The following AFF2 variants were observed in gnomAD, a reference collection of about 807,000 sequenced individuals.
AFF2 encodes ALF transcription elongation factor 2.
A neutral mutation model predicts 76.9 loss-of-function variants in AFF2; 14 were observed. That is an observed-to-expected ratio of 0.18 (90% CI 0.12 to 0.28). AFF2 has a LOEUF of 0.28. Among genes scored for constraint, AFF2 ranks in the 10% least tolerant of loss-of-function variants. The pLI, the probability that AFF2 is intolerant of heterozygous loss-of-function variation, is 1.00. For missense variants in AFF2, 868 were observed against 1,001.1 expected (o/e 0.87, Z 1.79); for synonymous variants, 398 against 366.7 (o/e 1.09, Z -0.98).
At chrX:148,677,406 T>C (rs939159991) in intron 3 of AFF2, among the ~76,000 whole-genome samples, 2 of 112,186 alleles carry the variant, frequency 1.8e-5, no homozygotes, top group African/African-American at 3.2e-5. Context: ...TTATGCTTCA[T>C]TGAAAGATTT....
At chrX:148,681,635 G>A in intron 3 of AFF2, among the ~76,000 whole-genome samples, 1 of 92,917 alleles carries the variant, frequency 1.1e-5, no homozygotes, top group South Asian at 4.8e-4. Flanking sequence ...GAAAGAAAGA[G>A]AAGAGAAAAA....
At chrX:148,557,960 T>C (rs1449239071) in intron 1 of AFF2, among the ~76,000 whole-genome samples, 2 of 111,724 alleles carry the variant, frequency 1.8e-5, no homozygotes, top group African/African-American at 6.5e-5. Flanking sequence ...GCTTGTAAAA[T>C]GCTGAGCTGG....
chrX:148,713,300 G>A (rs1237631209), intron 3 of AFF2, among the ~76,000 whole-genome samples: 8 of 111,435 alleles, frequency 7.2e-5, no homozygotes, highest in African/African-American at 2.0e-4. Flanking sequence ...GATGAGAGCC[G>A]TTGAAGGGTT....
chrX:148,578,684 A>G (rs1461625056), intron 1 of AFF2, among the ~76,000 whole-genome samples: 4 of 112,140 alleles, frequency 3.6e-5, no homozygotes, highest in African/African-American at 1.3e-4. Context: ...TGTTATCTAT[A>G]GATGCGTTCT....
At chrX:148,607,016 G>T (rs190510850) in intron 1 of AFF2, among the ~76,000 whole-genome samples, 38 of 111,217 alleles carry the variant, frequency 3.4e-4, no homozygotes, top group African/African-American at 1.2e-3. Flanking sequence ...AATTGGCTTC[G>T]TGTGCCATGC....
intron 3 of AFF2, among the ~76,000 whole-genome samples, chrX:148,771,694 A>G (rs1365228579): frequency 8.9e-6 from 1 of 112,202 alleles, no homozygotes; most frequent in East Asian, 2.8e-4. Context: ...TTGCTCTCTC[A>G]CTGTAACAGA....
chrX:148,708,170 A>AT (rs1345526484), intron 3 of AFF2, among the ~76,000 whole-genome samples: 1 of 111,985 alleles, frequency 8.9e-6, no homozygotes, highest in African/African-American at 3.2e-5. Context: ...GATCTTTAAA[A>AT]AATCTTCAGA....
intron 8 of AFF2, among the ~76,000 whole-genome samples, chrX:148,887,708 T>A (rs111924845): frequency 0.014 from 1,534 of 111,650 alleles, 30 homozygotes; most frequent in African/African-American, 0.047. Flanking sequence ...AGTCATGATG[T>A]CTTCCTCAAA....
In AFF2 at chrX:148,999,311, A is replaced by T. The variant is rs1251314524; in HGVS notation, c.*7979A>T. 5.4e-5 allele frequency: 6 copies of T among 112,017 alleles called. No homozygotes were observed. The highest frequency in any genetic ancestry group is 2.0e-4 in the African/African-American group (6 of 30,721). The allele number at this position is 112,017 out of a possible 1,213,427, so 9.2% of individuals were successfully genotyped here. On this transcript the variant is annotated 3_prime_UTR_variant, in exon 21 of 21. Coordinates refer to ENST00000370460, the MANE Select transcript of AFF2 (RefSeq NM_002025.4). ...CTAACATTCCCATTAGCCTGTATATAAGAATCAGAAAGATAATCCCAACAT... is the reference window on the plus strand; with the variant it reads ...CTAACATTCCCATTAGCCTGTATATTAGAATCAGAAAGATAATCCCAACAT...
intron 3 of AFF2, among the ~76,000 whole-genome samples, chrX:148,675,200 T>C (rs1358685017): frequency 1.8e-5 from 2 of 109,260 alleles, no homozygotes; most frequent in African/African-American, 6.7e-5. Context: ...GAAGGAGAAA[T>C]AACAGACAGG....
In AFF2 at chrX:148,563,009, G is replaced by T. The variant is rs60396279; in HGVS notation, c.47+61865G>T. On this transcript the variant is annotated intron_variant, in intron 1 of 20. Transcript: ENST00000370460. ...GAAGAGGCCGACTTTAGCCTTGGTT[G>T]TCTGAGAAGGCCCTGTTTGAGCCGA... Among the ~76,000 whole-genome samples, 401 of 112,308 alleles carry T rather than the reference G, an allele frequency of 3.6e-3. 4 individuals carry two copies. The highest frequency in any genetic ancestry group is 0.012 in the African/African-American group (381 of 30,913).
chrX:148,901,297 G>GT (rs1557280852), intron 8 of AFF2, among the ~76,000 whole-genome samples: 1 of 110,873 alleles, frequency 9.0e-6, no homozygotes, highest in African/African-American at 3.3e-5. Flanking sequence ...TTCTTTTATT[G>GT]TTTTTTTCTT....
chrX:148,895,014 T>G (rs1384016278), intron 8 of AFF2, among the ~76,000 whole-genome samples: 1 of 111,616 alleles, frequency 9.0e-6, no homozygotes, highest in Non-Finnish European at 1.9e-5. Context: ...CCCCCTCCTG[T>G]GGAGTCTGCA....
chrX:148,646,235 A>T (rs1353646181), intron 1 of AFF2, among the ~76,000 whole-genome samples: 1 of 111,672 alleles, frequency 9.0e-6, no homozygotes, highest in Non-Finnish European at 1.9e-5. Flanking sequence ...TGCTTTCAAG[A>T]CTCTGTGAAT....
chrX:148,536,903 C>G (rs1557236648), intron 1 of AFF2, among the ~76,000 whole-genome samples: 2 of 112,213 alleles, frequency 1.8e-5, no homozygotes, highest in Admixed American at 9.4e-5. Flanking sequence ...ACAGTGAAAT[C>G]TGAATCTATA....
chrX:148,675,149 A>G (rs1237862413), intron 3 of AFF2, among the ~76,000 whole-genome samples: 8 of 111,504 alleles, frequency 7.2e-5, no homozygotes, highest in African/African-American at 2.6e-4. Context: ...ATTTTTGCCC[A>G]GCAGGCAGGG....
intron 2 of AFF2, among the ~76,000 whole-genome samples, chrX:148,657,772 T>C (rs1350739852): frequency 8.9e-6 from 1 of 112,349 alleles, no homozygotes; most frequent in Non-Finnish European, 1.9e-5. Context: ...ATTAGCCAAA[T>C]TGAAAGAAGC....
chrX:148,735,307 T>A (rs1465513430), intron 3 of AFF2, among the ~76,000 whole-genome samples: 2 of 112,540 alleles, frequency 1.8e-5, no homozygotes, highest in African/African-American at 6.5e-5. Context: ...TTTCTTTCAA[T>A]CCTATGTTTA....
At chrX:148,688,642 T>C (rs1557260527) in intron 3 of AFF2, among the ~76,000 whole-genome samples, 1 of 111,301 alleles carries the variant, frequency 9.0e-6, no homozygotes, top group Non-Finnish European at 1.9e-5. Context: ...TAGTCATGAA[T>C]CACTTAACAA....
Sources: gnomAD v4.1 joint callset for allele counts (sites outside exome capture counted in the v4.1 genomes callset) on GRCh38, gnomAD v4.1.1 for gene constraint, MANE v1.5 for transcripts, NCBI Gene and HGNC (gene_info 2026-07-23, HGNC 2026-07-21) for gene names.